The following CCDC200 variants were observed in gnomAD, a reference collection of about 807,000 sequenced individuals.
CCDC200 encodes the protein coiled-coil domain containing 200, also known as coiled-coil domain-containing protein 200.
chr17:43,226,672 C>T (rs1348617379), intron 1 of CCDC200, among the ~76,000 whole-genome samples: 4 of 152,136 alleles, frequency 2.6e-5, no homozygotes, highest in South Asian at 2.1e-4. Flanking sequence ...GGATTACAGG[C>T]GTGAGCCACT....
At chr17:43,230,679 A>G (rs1381138582), upstream of CCDC200, among the ~76,000 whole-genome samples, 19 of 4,340 alleles carry the variant, frequency 4.4e-3, no homozygotes, top group African/African-American at 4.7e-3. Flanking sequence ...TTTGTCTCTG[A>G]AAAAAAAAAA....
At chr17:43,225,176 T>G (rs1347412448) in intron 1 of CCDC200, among the ~76,000 whole-genome samples, 1 of 151,778 alleles carries the variant, frequency 6.6e-6, no homozygotes, top group Non-Finnish European at 1.5e-5. Flanking sequence ...TTGGACTAAA[T>G]GCATGTGCCA....
intron 3 of CCDC200, among the ~76,000 whole-genome samples, chr17:43,222,069 C>G (rs997760389): frequency 6.0e-5 from 9 of 151,204 alleles, no homozygotes; most frequent in Non-Finnish European, 1.2e-4. Context: ...GCCTGGGTAA[C>G]AGAGTGAGAC....
intron 3 of CCDC200, among the ~76,000 whole-genome samples, chr17:43,222,573 A>AC (rs2057539997): frequency 6.8e-6 from 1 of 146,876 alleles, no homozygotes. Flanking sequence ...GGCCATCCAT[A>AC]CCCAGGCATT....
chr17:43,227,135 C>T (rs75082981), intron 1 of CCDC200, among the ~76,000 whole-genome samples: 1 of 151,776 alleles, frequency 6.6e-6, no homozygotes, highest in Non-Finnish European at 1.5e-5. Flanking sequence ...CGCGCCACCA[C>T]GCCCGGCTGA....
At chr17:43,226,585 G>A (rs1006934220) in intron 1 of CCDC200, among the ~76,000 whole-genome samples, 4 of 151,980 alleles carry the variant, frequency 2.6e-5, no homozygotes, top group African/African-American at 4.8e-5. Flanking sequence ...TTTTAGAGAC[G>A]GATTTCACCA....
At chr17:43,224,136 C>A (rs2057551941) in intron 2 of CCDC200, 98 bp downstream of exon 2, 2 of 152,852 alleles carry the variant, frequency 1.3e-5, no homozygotes, top group Non-Finnish European at 2.9e-5. Flanking sequence ...AGGCTCCAGT[C>A]CAGAGTCTGT....
At chr17:43,224,054 G>A (rs1307792591) in intron 2 of CCDC200, 180 bp downstream of exon 2, 2 of 152,322 alleles carry the variant, frequency 1.3e-5, no homozygotes, top group Non-Finnish European at 2.9e-5. Context: ...GGGTAGGGTG[G>A]TAGATATGGA....
At chr17:43,226,126 A>T (rs888644503) in intron 1 of CCDC200, 1 of 152,058 alleles carries the variant, frequency 6.6e-6, no homozygotes, top group Admixed American at 6.6e-5. Context: ...AGACAGGAGG[A>T]TTGTTTGAAG....
At chr17:43,225,678 AAG>A (rs1598039999) in intron 1 of CCDC200, among the ~76,000 whole-genome samples, 1 of 36,170 alleles carries the variant, frequency 2.8e-5, no homozygotes, top group African/African-American at 3.6e-5. Flanking sequence ...AAAAAAAAAA[AAG>A]TATATATATA....
chr17:43,226,975 T>G (rs2057573620), intron 1 of CCDC200, among the ~76,000 whole-genome samples: 1 of 152,024 alleles, frequency 6.6e-6, no homozygotes, highest in South Asian at 2.1e-4. Flanking sequence ...TATATTTTTG[T>G]TGTTGTTGTT....
intron 3 of CCDC200, among the ~76,000 whole-genome samples, chr17:43,222,850 A>G (rs1598038383): frequency 6.8e-6 from 1 of 146,764 alleles, no homozygotes; most frequent in African/African-American, 2.5e-5. Flanking sequence ...GCTCACTGCA[A>G]CCTTTTCCTC....
intron 3 of CCDC200, among the ~76,000 whole-genome samples, chr17:43,223,185 G>A (rs1480323470): frequency 6.6e-6 from 1 of 150,694 alleles, no homozygotes; most frequent in African/African-American, 2.4e-5. Context: ...CCAAAGTGCT[G>A]GGATTATAGG....
chr17:43,230,798 G>T (rs2057593344), upstream of CCDC200, among the ~76,000 whole-genome samples: 2 of 85,620 alleles, frequency 2.3e-5, 1 homozygote, highest in Non-Finnish European at 6.2e-5. Flanking sequence ...GGCTAACACG[G>T]TGAATCCCCG....
At chr17:43,225,584 A>G (rs2057561312) in intron 1 of CCDC200, among the ~76,000 whole-genome samples, 1 of 136,022 alleles carries the variant, frequency 7.4e-6, no homozygotes, top group Non-Finnish European at 1.6e-5. Flanking sequence ...AATTGCTTAA[A>G]CCCAGGAGGC....
chr17:43,225,031 AT>A lies in CCDC200; in HGVS notation c.106-483del, dbSNP rs1011585484. 1,394 of 145,708 alleles carry A rather than the reference AT, an allele frequency of 9.6e-3. 18 individuals carry two copies. Among genetic ancestry groups the A allele is most frequent in the African/African-American group, 0.032 (1,268 of 39,898 alleles). 9.0% of individuals were successfully genotyped at this position (145,708 alleles called of 1,614,324 possible). ...AGGTGCACACCACCATGCCCGGTTA[AT>A]TTTTTTTTTTTAATAGAGACAGGGA... is the stretch of plus-strand genomic sequence containing the variant. On this transcript the variant is annotated intron_variant, in intron 1 of 3. Transcript: ENST00000636331.
At chr17:43,224,830 G>A (rs143867088) in intron 1 of CCDC200, 7 of 152,300 alleles carry the variant, frequency 4.6e-5, no homozygotes, top group African/African-American at 1.7e-4. Context: ...GCAGTTTTTA[G>A]TGCTGGAGGA....
At chr17:43,226,863 T>C (rs1018811257) in intron 1 of CCDC200, among the ~76,000 whole-genome samples, 7 of 152,226 alleles carry the variant, frequency 4.6e-5, no homozygotes, top group African/African-American at 1.7e-4. Flanking sequence ...ATTTCATTGA[T>C]TTAGATTTCA....
chr17:43,222,590 T>A (rs1246679988), intron 3 of CCDC200, among the ~76,000 whole-genome samples: 1 of 70,382 alleles, frequency 1.4e-5, no homozygotes, highest in Admixed American at 1.4e-4. Context: ...CATTTTTTCC[T>A]TTTTTTTTTT....
Sources: allele counts gnomAD v4.1 joint callset (sites outside exome capture counted in the v4.1 genomes callset), GRCh38; gene constraint gnomAD v4.1.1; transcripts MANE v1.5; gene names NCBI Gene and HGNC (gene_info 2026-07-23, HGNC 2026-07-21).